Variants in RERG observed in about 807,000 individuals in gnomAD.
The protein encoded by RERG is RAS like estrogen regulated growth inhibitor, also known as ras-related and estrogen-regulated growth inhibitor.
A neutral mutation model predicts 23.2 loss-of-function variants in RERG; 25 were observed. That is an observed-to-expected ratio of 1.08 (90% CI 0.79 to 1.50). RERG has a LOEUF of 1.50. Among genes scored for constraint, RERG ranks in the 40% most tolerant of loss-of-function variants. RERG has a pLI of 0.00. For missense variants in RERG, 253 were observed against 250.1 expected, an observed-to-expected ratio of 1.01 and a Z score of -0.08; for synonymous variants, 81 against 89.1, an observed-to-expected ratio of 0.91 and a Z score of 0.51.
At chr12:15,180,458 A>T (rs1049436037) in intron 2 of RERG, among the ~76,000 whole-genome samples, 1 of 152,142 alleles carries the variant, frequency 6.6e-6, no homozygotes, top group Non-Finnish European at 1.5e-5. Context: ...TGGCTCTGAC[A>T]TGAAAACAAG....
chr12:15,161,173 A>T (rs1014543506), intron 2 of RERG, among the ~76,000 whole-genome samples: 31 of 144,958 alleles, frequency 2.1e-4, no homozygotes, highest in African/African-American at 7.9e-4. Context: ...AAAGAAAGAA[A>T]GAAAGAAAGA....
At chr12:15,144,644 A>G (rs542331983) in intron 2 of RERG, among the ~76,000 whole-genome samples, 1 of 152,324 alleles carries the variant, frequency 6.6e-6, no homozygotes, top group South Asian at 2.1e-4. Flanking sequence ...AGTGGTGTGG[A>G]TGACAGCGTG....
At chr12:15,123,144 T>C (rs570874571) in intron 2 of RERG, among the ~76,000 whole-genome samples, 1 of 152,296 alleles carries the variant, frequency 6.6e-6, no homozygotes, top group South Asian at 2.1e-4. Flanking sequence ...AAAACTTAAT[T>C]ATCTGCCATG....
intron 2 of RERG, among the ~76,000 whole-genome samples, chr12:15,133,328 G>A (rs1337807667): frequency 1.3e-5 from 2 of 151,680 alleles, no homozygotes; most frequent in East Asian, 1.9e-4. Flanking sequence ...ATGTCATATA[G>A]TTGGATCATG....
chr12:15,139,016 T>A (rs1864191054), intron 2 of RERG, among the ~76,000 whole-genome samples: 1 of 137,892 alleles, frequency 7.3e-6, no homozygotes, highest in Non-Finnish European at 1.5e-5. Flanking sequence ...TGTCTAGACT[T>A]TTTTTTTTTT....
At chr12:15,124,341 A>G (rs1863897392) in intron 2 of RERG, among the ~76,000 whole-genome samples, 1 of 152,124 alleles carries the variant, frequency 6.6e-6, no homozygotes, top group Admixed American at 6.5e-5. Context: ...TAATATTTTA[A>G]AATGAAAATT....
intron 2 of RERG, among the ~76,000 whole-genome samples, chr12:15,154,684 C>T (rs985197461): frequency 6.6e-6 from 1 of 152,174 alleles, no homozygotes; most frequent in African/African-American, 2.4e-5. Flanking sequence ...CGTTGGTCTC[C>T]TGCCAAATAG....
At chr12:15,121,636 A>C (rs1385262808) in intron 2 of RERG, among the ~76,000 whole-genome samples, 2 of 152,226 alleles carry the variant, frequency 1.3e-5, no homozygotes, top group Non-Finnish European at 2.9e-5. Context: ...CAAAAGTAGC[A>C]CTGATAGAAT....
intron 3 of RERG, among the ~76,000 whole-genome samples, chr12:15,116,371 G>A (rs1263190806): frequency 1.3e-5 from 2 of 152,214 alleles, no homozygotes; most frequent in Non-Finnish European, 2.9e-5. Flanking sequence ...AAAGTTGTCT[G>A]AGAGACAGGG....
intron 2 of RERG, among the ~76,000 whole-genome samples, chr12:15,136,478 G>A (rs1864146835): frequency 6.6e-6 from 1 of 151,724 alleles, no homozygotes; most frequent in Non-Finnish European, 1.5e-5. Flanking sequence ...CCTAGAAATA[G>A]GTGGAAGCTT....
chr12:15,118,452 C>A (rs60267355), intron 3 of RERG, among the ~76,000 whole-genome samples: 6,095 of 152,104 alleles, frequency 0.04, 447 homozygotes, highest in African/African-American at 0.14. Context: ...TGTATATAAG[C>A]TACTTGGCTT....
chr12:15,181,335 A>G (rs976872284), intron 2 of RERG, among the ~76,000 whole-genome samples: 7 of 152,234 alleles, frequency 4.6e-5, no homozygotes, highest in Non-Finnish European at 7.3e-5. Context: ...ATGAAATTCC[A>G]TATCAATTCA....
At chr12:15,194,410 A>C in intron 2 of RERG, among the ~76,000 whole-genome samples, 1 of 150,908 alleles carries the variant, frequency 6.6e-6, no homozygotes, top group African/African-American at 2.4e-5. Context: ...AAATATATAC[A>C]CTCTCCCCTC....
chr12:15,164,582 T>A (rs532845953), intron 2 of RERG, among the ~76,000 whole-genome samples: 1 of 152,316 alleles, frequency 6.6e-6, no homozygotes, highest in South Asian at 2.1e-4. Context: ...CACCCACCCA[T>A]TGGACCGCCT....
At chr12:15,156,139 T>C (rs577580195) in intron 2 of RERG, among the ~76,000 whole-genome samples, 1 of 152,250 alleles carries the variant, frequency 6.6e-6, no homozygotes, top group African/African-American at 2.4e-5. Flanking sequence ...TGATTTCACA[T>C]TAATGATGAC....
chr12:15,198,109 A>G (rs1027851100), intron 2 of RERG, among the ~76,000 whole-genome samples: 2 of 151,664 alleles, frequency 1.3e-5, no homozygotes, highest in African/African-American at 4.8e-5. Flanking sequence ...TTAGTTCTCA[A>G]CCTCTGGCTC....
intron 2 of RERG, among the ~76,000 whole-genome samples, chr12:15,168,212 C>T (rs1048141151): frequency 6.6e-6 from 1 of 152,102 alleles, no homozygotes; most frequent in African/African-American, 2.4e-5. Flanking sequence ...GGATGTGGTC[C>T]CCTGCAGCTT....
At chr12:15,219,084 C>T (rs1865482082) in intron 1 of RERG, among the ~76,000 whole-genome samples, 1 of 152,134 alleles carries the variant, frequency 6.6e-6, no homozygotes, top group Non-Finnish European at 1.5e-5. Flanking sequence ...AACCTAAATA[C>T]AGCACAGCAC....
intron 2 of RERG, among the ~76,000 whole-genome samples, chr12:15,144,294 G>C (rs1864292714): frequency 6.6e-6 from 1 of 152,162 alleles, no homozygotes. Flanking sequence ...CAAGAGTCTG[G>C]TGTTGAGGGC....
Sources: gnomAD v4.1 joint callset for allele counts (sites outside exome capture counted in the v4.1 genomes callset) on GRCh38, gnomAD v4.1.1 for gene constraint, MANE v1.5 for transcripts, NCBI Gene and HGNC (gene_info 2026-07-23, HGNC 2026-07-21) for gene names.